HAS3: variants seen among roughly 807,000 people sequenced by gnomAD.
HAS3 encodes HA synthase 3.
Under a neutral mutation model 50.3 loss-of-function variants are expected in HAS3, and 27 were observed. The ratio of observed to expected loss-of-function variants is 0.54; its 90% CI spans 0.40 to 0.74. The LOEUF is 0.74. HAS3 is among the 30% of genes least tolerant of loss of function. The probability of loss-of-function intolerance (pLI) is 0.00; values close to 1 mark genes in which losing one functional copy is unlikely to be tolerated. For synonymous variants in HAS3, 339 were observed against 310.9 expected (o/e 1.09, Z -0.95); for missense variants, 517 against 742.8 (o/e 0.70, Z 3.53).
upstream of HAS3, among the ~76,000 whole-genome samples, chr16:69,104,598 CTAATTTTT>C (rs1213817240): frequency 1.3e-5 from 2 of 152,162 alleles, no homozygotes; most frequent in Admixed American, 6.5e-5. Context: ...CCGGCCCTGG[CTAATTTTT>C]TAATTTTAAT....
rs915451162 is a variant in HAS3, at chr16:69,109,191, G to A, written c.1-205G>A. Among the ~76,000 whole-genome samples, 3 of 152,204 alleles carry A rather than the reference G, an allele frequency of 2.0e-5. No individual in the cohort carries two copies. The highest frequency in any genetic ancestry group is 4.4e-5 in the Non-Finnish European group (3 of 68,042). On this transcript the variant is annotated intron_variant, in intron 1 of 3. Transcript: ENST00000569188. The surrounding 1 kb of genome is among the most constrained non-coding windows in gnomAD (Gnocchi z 5.3). ...CTGCAACCCACATTTTACAGATGACGTAAGGGGGCACAGACATCAAGTGGC... is the reference window on the plus strand; with the variant it reads ...CTGCAACCCACATTTTACAGATGACATAAGGGGGCACAGACATCAAGTGGC...
At position 69,115,723 on chromosome 16, in the gene HAS3, A is replaced by AC; in HGVS notation, c.*462dup. On this transcript the variant is annotated 3_prime_UTR_variant, in exon 4 of 4. Coordinates refer to ENST00000569188, the MANE Select transcript of HAS3 (RefSeq NM_001199280.2). ...CGAGCTGGGCCGGTTAGTGTATGTC[A>AC]CCCCCACCCCACCCCTAAGTAGTCA... The AC allele has an allele frequency of 1.0e-6, 1 of 987,746 alleles. No individual in the cohort carries two copies. Among genetic ancestry groups the AC allele is most frequent in the Non-Finnish European group, 1.2e-6 (1 of 831,802 alleles). 61.2% of individuals were successfully genotyped at this position (987,746 alleles called of 1,614,324 possible). A position where few individuals can be genotyped will look rare whatever the true frequency, so the allele number is the denominator to read the frequency against.
At position 69,106,114 on chromosome 16, in the gene HAS3, G is replaced by A. The variant is rs574243952; in HGVS notation, c.-1+327G>A. 1 of 152,190 alleles carries A rather than the reference G, an allele frequency of 6.6e-6. No homozygotes were observed. The highest frequency in any genetic ancestry group is 2.1e-4 in the South Asian group (1 of 4,836). The allele number at this position is 152,190 out of a possible 1,614,324, so 9.4% of individuals were successfully genotyped here. A position where few individuals can be genotyped will look rare whatever the true frequency, so the allele number is the denominator to read the frequency against. On this transcript the variant is annotated intron_variant, in intron 1 of 3. Transcript: ENST00000569188. This position sits in a 1 kb window ranked among gnomAD's most constrained non-coding sequence, Gnocchi z 5.5. ...CGCGCGGGGTCGGGGGTGCGCCCGCGGGGGCCCTCCCACTCTGGTCAACTT... is the reference window on the plus strand; with the variant it reads ...CGCGCGGGGTCGGGGGTGCGCCCGCAGGGGCCCTCCCACTCTGGTCAACTT...
chr16:69,104,564 G>T (rs1302415579), upstream of HAS3, among the ~76,000 whole-genome samples: 1 of 152,144 alleles, frequency 6.6e-6, no homozygotes, highest in Non-Finnish European at 1.5e-5. Flanking sequence ...CCAGAGTGTT[G>T]GGATTACAGG....
At position 69,115,209 on chromosome 16, in the gene HAS3, C is replaced by A; in HGVS notation, c.1605C>A (p.Ile535=). Residue 535 remains isoleucine (I), a synonymous_variant, in exon 4 of 4, where the codon ATC becomes ATA. Transcript: ENST00000569188. ...VALLMLYLAI[I]ARRCGKKPEQ... Reference sequence around the variant, plus strand: ...TCCTCATGCTATATCTGGCCATCATCGCCCGGCGATGTGGGAAGAAGCCGG... The same window carrying A: ...TCCTCATGCTATATCTGGCCATCATAGCCCGGCGATGTGGGAAGAAGCCGG... 1 of 1,550,614 alleles carries A rather than the reference C, an allele frequency of 6.4e-7. No individual in the cohort carries two copies. The highest frequency in any genetic ancestry group is 1.3e-5 in the South Asian group (1 of 79,912).
chr16:69,096,864 A>C, the HAS3 span, among the ~76,000 whole-genome samples: 9 of 151,418 alleles, frequency 5.9e-5, no homozygotes, highest in Non-Finnish European at 1.3e-4. Flanking sequence ...TGATCCGCCC[A>C]CCTCAGCCTC....
rs372187979 is a variant in HAS3 at position 69,114,302 on chromosome 16, C to T, written c.739-41C>T. The T allele has an allele frequency of 4.7e-4, 731 of 1,544,916 alleles. 9 individuals carry two copies. The South Asian group carries it at 5.2e-3, about 11-fold the overall frequency. Reference sequence around the variant, plus strand: ...TGGTCTCTGATGTCTGTCCTCCGGACGTGCAACCTTAGGAGGCCCAGCATC... The same window carrying T: ...TGGTCTCTGATGTCTGTCCTCCGGATGTGCAACCTTAGGAGGCCCAGCATC... On this transcript the variant is annotated intron_variant, in intron 3 of 3. Transcript: ENST00000569188. This position sits in a 1 kb window ranked among gnomAD's most constrained non-coding sequence, Gnocchi z 6.4.
At chr16:69,091,750 C>G in the HAS3 span, among the ~76,000 whole-genome samples, 1 of 152,164 alleles carries the variant, frequency 6.6e-6, no homozygotes, top group East Asian at 1.9e-4. Flanking sequence ...TAGTTCGTGG[C>G]TTATACATAG....
chr16:69,085,483 C>T, the HAS3 span, among the ~76,000 whole-genome samples: 3 of 152,038 alleles, frequency 2.0e-5, no homozygotes, highest in Non-Finnish European at 2.9e-5. Context: ...CCAGGCTATT[C>T]TCAACTTCTG....
At chr16:69,088,152 C>G in the HAS3 span, among the ~76,000 whole-genome samples, 1 of 152,158 alleles carries the variant, frequency 6.6e-6, no homozygotes, top group African/African-American at 2.4e-5. Context: ...GCACCTATTA[C>G]GTACCAGATG....
At chr16:69,086,984 G>C in the HAS3 span, among the ~76,000 whole-genome samples, 1 of 152,166 alleles carries the variant, frequency 6.6e-6, no homozygotes, top group Non-Finnish European at 1.5e-5. Context: ...ACCCTGTGAG[G>C]TGTGTCTTGC....
At position 69,116,664 on chromosome 16, in the gene HAS3, C is replaced by G; in HGVS notation, c.*1398C>G. The stretch of plus-strand genomic sequence containing the variant: ...ACATCCTAAGGTTCTTGCTTTCTCT[C>G]TCATGCCTCCTGAGGCTGTTTTTGG... On this transcript the variant is annotated 3_prime_UTR_variant, in exon 4 of 4. Transcript: ENST00000569188. The G allele has an allele frequency of 1.0e-6, 1 of 985,304 alleles. No homozygotes were observed. Among genetic ancestry groups the G allele is most frequent in the African/African-American group, 1.7e-5 (1 of 57,344 alleles). 61.0% of individuals were successfully genotyped at this position (985,304 alleles called of 1,614,324 possible). A position where few individuals can be genotyped will look rare whatever the true frequency, so the allele number is the denominator to read the frequency against.
chr16:69,108,956 C>T (rs926641455), intron 1 of HAS3, among the ~76,000 whole-genome samples: 1 of 152,204 alleles, frequency 6.6e-6, no homozygotes, highest in African/African-American at 2.4e-5. Context: ...CACTGGCTGC[C>T]TCCCTGGCCC....
upstream of HAS3, among the ~76,000 whole-genome samples, chr16:69,103,389 C>G (rs1008423222): frequency 1.3e-5 from 2 of 152,110 alleles, no homozygotes; most frequent in Non-Finnish European, 2.9e-5. Flanking sequence ...AGAGACAAGA[C>G]ATTTTTCTTT....
the HAS3 span, among the ~76,000 whole-genome samples, chr16:69,095,838 A>T: frequency 6.6e-6 from 1 of 152,188 alleles, no homozygotes; most frequent in Non-Finnish European, 1.5e-5. Flanking sequence ...AAAGGGTCTA[A>T]CTTTGGACCT....
downstream of HAS3, chr16:69,118,178 T>C: frequency 3.7e-6 from 2 of 534,498 alleles, no homozygotes; most frequent in Non-Finnish European, 3.3e-6. Flanking sequence ...AATTTTGAGG[T>C]TCTTTGATTG....
At chr16:69,093,955 G>A in the HAS3 span, among the ~76,000 whole-genome samples, 2 of 152,202 alleles carry the variant, frequency 1.3e-5, no homozygotes, top group Admixed American at 1.3e-4. Flanking sequence ...CCTCTTTGAA[G>A]AAGGGAAAAA....
downstream of HAS3, chr16:69,118,381 G>C (rs761089528): frequency 1.2e-6 from 2 of 1,611,950 alleles, no homozygotes; most frequent in East Asian, 4.5e-5. Flanking sequence ...TGGCAGTAGA[G>C]GATGACCAGG....
the HAS3 span, among the ~76,000 whole-genome samples, chr16:69,095,762 G>GTCC: frequency 6.6e-6 from 1 of 152,084 alleles, no homozygotes; most frequent in East Asian, 1.9e-4. Context: ...TTGGCAGGGG[G>GTCC]TCCCCTCCAA....
Sources: gnomAD v4.1 joint callset for allele counts (sites outside exome capture counted in the v4.1 genomes callset) on GRCh38, gnomAD v4.1.1 for gene constraint, Gnocchi (gnomAD v3.1) non-coding constraint, MANE v1.5 for transcripts, NCBI Gene and HGNC (gene_info 2026-07-23, HGNC 2026-07-21) for gene names.